LAMA4: variants seen among roughly 807,000 people sequenced by gnomAD.
LAMA4 encodes laminin subunit alpha-4.
A neutral mutation model predicts 207.1 loss-of-function variants in LAMA4; 127 were observed. The observed-to-expected ratio is 0.61, with a 90% CI of 0.53 to 0.71. The LOEUF is 0.71. LAMA4 is among the 30% of genes least tolerant of loss of function. LAMA4 has a pLI of 0.00. For synonymous variants in LAMA4, 761 were observed against 816.0 expected (o/e 0.93, Z 1.15); for missense variants, 2,093 against 2,246.5 (o/e 0.93, Z 1.38).
At chr6:112,151,823 C>A (rs1432670938) in intron 16 of LAMA4, among the ~76,000 whole-genome samples, 1 of 152,018 alleles carries the variant, frequency 6.6e-6, no homozygotes. Flanking sequence ...CTTCTATTCT[C>A]AGTTTGCCGA....
intron 17 of LAMA4, 44 bp from the exon 18 acceptor site, chr6:112,148,380 A>G (rs186777142): frequency 1.2e-6 from 2 of 1,604,468 alleles, no homozygotes; most frequent in East Asian, 2.2e-5. Context: ...GAGAAGCCGG[A>G]TATTTGTTGG....
chr6:112,157,596 T>C (rs1554337302), intron 14 of LAMA4, among the ~76,000 whole-genome samples: 1 of 152,210 alleles, frequency 6.6e-6, no homozygotes, highest in African/African-American at 2.4e-5. Flanking sequence ...ATGTAGTAAC[T>C]GTCTTAGAAT....
At chr6:112,197,048 G>C (rs1783462873) in intron 5 of LAMA4, among the ~76,000 whole-genome samples, 1 of 152,138 alleles carries the variant, frequency 6.6e-6, no homozygotes, top group Admixed American at 6.5e-5. Context: ...GTATTCCATA[G>C]GATTTTTGGG....
At chr6:112,175,894 A>G (rs1781997330) in intron 10 of LAMA4, among the ~76,000 whole-genome samples, 1 of 152,212 alleles carries the variant, frequency 6.6e-6, no homozygotes, top group African/African-American at 2.4e-5. Flanking sequence ...ACTTGGAGAA[A>G]ATGCTCAGAG....
chr6:112,155,284 C>G, intron 15 of LAMA4: 1 of 559,378 alleles, frequency 1.8e-6, no homozygotes, highest in Non-Finnish European at 3.2e-6. Context: ...TCTCTATCAG[C>G]AAGAACTAAT....
intron 29 of LAMA4, among the ~76,000 whole-genome samples, chr6:112,130,723 T>C (rs1778988265): frequency 6.6e-6 from 1 of 152,092 alleles, no homozygotes; most frequent in African/African-American, 2.4e-5. Flanking sequence ...TCAAGGAGAT[T>C]ATAACCTATT....
chr6:112,186,055 C>T (rs1782665079), intron 8 of LAMA4, among the ~76,000 whole-genome samples: 1 of 152,170 alleles, frequency 6.6e-6, no homozygotes, highest in Non-Finnish European at 1.5e-5. Context: ...AAATTCACAC[C>T]AAGATTCTAT....
Position 112,119,514 on chromosome 6 carries a change from G to C in LAMA4, c.4666-203C>G, listed in dbSNP as rs34349433. 4.8e-3 allele frequency among the ~76,000 whole-genome samples: 734 copies of C among 152,264 alleles called. 4 individuals carry two copies. Among genetic ancestry groups the C allele is most frequent in the Non-Finnish European group, 7.5e-3 (510 of 68,014 alleles). On this transcript the variant is annotated intron_variant, in intron 33 of 38. Transcript: ENST00000230538. ...TTCTGGCAATGCAGTTTTTGGAATG[G>C]CAGAAACTTTATCCCTCATTTGATT...
In LAMA4 at chr6:112,250,780, A is replaced by G. The variant is rs1442650416; in HGVS notation, c.195+3176T>C. On this transcript the variant is annotated intron_variant, in intron 2 of 38. Coordinates refer to ENST00000230538, the MANE Select transcript of LAMA4 (RefSeq NM_001105206.3). Reference sequence around the variant, plus strand: ...CTTGTTTAGTTCCTACTTCTTTTTGATGGACAAGAATCTCATTCTTCCTAA... The same window carrying G: ...CTTGTTTAGTTCCTACTTCTTTTTGGTGGACAAGAATCTCATTCTTCCTAA... Among the ~76,000 whole-genome samples the G allele has an allele frequency of 2.6e-5, 4 of 152,008 alleles. 1 individual carries two copies. Among genetic ancestry groups the G allele is most frequent in the South Asian group, 2.1e-4 (1 of 4,824 alleles).
At chr6:112,186,832 GC>G (rs1250264729) in intron 8 of LAMA4, 2 of 454,544 alleles carry the variant, frequency 4.4e-6, no homozygotes, top group African/African-American at 4.0e-5. Context: ...GATATGGAGG[GC>G]CAACTGTATT....
chr6:112,121,077 C>CAA (rs371868100), intron 32 of LAMA4, among the ~76,000 whole-genome samples: 3 of 134,402 alleles, frequency 2.2e-5, no homozygotes, highest in African/African-American at 8.3e-5. Flanking sequence ...GACCTTGTCT[C>CAA]AAAAAAAAAA....
intron 28 of LAMA4, 26 bp from the exon 29 acceptor site, chr6:112,131,127 G>A (rs782168172): frequency 6.2e-7 from 1 of 1,611,278 alleles, no homozygotes; most frequent in Non-Finnish European, 8.5e-7. Flanking sequence ...AGGCATGTAA[G>A]TAGGGAGTCT....
chr6:112,237,588 C>T (rs199632331), intron 2 of LAMA4, among the ~76,000 whole-genome samples: 2 of 152,334 alleles, frequency 1.3e-5, no homozygotes, highest in East Asian at 3.9e-4. Flanking sequence ...TCAGGCATTT[C>T]CATGGAGCCT....
At chr6:112,157,753 T>A (rs1181909283) in intron 14 of LAMA4, among the ~76,000 whole-genome samples, 2 of 152,198 alleles carry the variant, frequency 1.3e-5, no homozygotes, top group Non-Finnish European at 2.9e-5. Flanking sequence ...TCTGCTAATA[T>A]AGTATATTAT....
chr6:112,153,788 A>G (rs1434473586), intron 16 of LAMA4, among the ~76,000 whole-genome samples: 6 of 152,172 alleles, frequency 3.9e-5, no homozygotes, highest in Non-Finnish European at 7.4e-5. Context: ...GACTTACATA[A>G]TAAATTAATT....
At chr6:112,167,322 A>T (rs1554340313) in intron 12 of LAMA4, among the ~76,000 whole-genome samples, 1 of 152,138 alleles carries the variant, frequency 6.6e-6, no homozygotes, top group East Asian at 1.9e-4. Flanking sequence ...GAATTGCTTG[A>T]ACCCAGGAGG....
chr6:112,109,102 G>C lies in LAMA4; in HGVS notation c.*335C>G. 3.3e-6 allele frequency: 1 copy of C among 301,302 alleles called. No individual in the cohort carries two copies. Among genetic ancestry groups the C allele is most frequent in the Non-Finnish European group, 6.4e-6 (1 of 157,024 alleles). 18.7% of individuals were successfully genotyped at this position (301,302 alleles called of 1,614,324 possible). ...GAAGAAAGGTGAATCTGAGAATCTA[G>C]CCGCACTTCAAAAATGTGTGCAAGT... On this transcript the variant is annotated 3_prime_UTR_variant, in exon 39 of 39. Coordinates refer to ENST00000230538, the MANE Select transcript of LAMA4 (RefSeq NM_001105206.3).
rs782206284 is a variant in LAMA4, at chr6:112,119,308, T to C, written c.4669A>G (p.Ile1557Val). ...CCACTGCTCCTTTCTCGAATAAATA[T>C]CACCTGGATGAAGAGAAGGACAATA... Reference protein sequence around the residue: ...KYNDGLWHDVIFIRERSSGRL... With the variant: ...KYNDGLWHDVVFIRERSSGRL... Residue 1557 changes from isoleucine to valine, a missense_variant, in exon 34 of 39, where the codon ATA (isoleucine) becomes GTA (valine). By Grantham distance (29) the Ile-to-Val change is conservative. This residue lies in a region of LAMA4 where 383 missense variants were observed against 437.8 expected (regional missense o/e 0.87). Coordinates refer to ENST00000230538, the MANE Select transcript of LAMA4 (RefSeq NM_001105206.3). 1.1e-5 allele frequency: 17 copies of C among 1,613,746 alleles called. No homozygotes were observed. Among genetic ancestry groups the C allele is most frequent in the Non-Finnish European group, 1.4e-5 (17 of 1,179,848 alleles).
At chr6:112,181,954 G>T (rs567678153) in intron 9 of LAMA4, among the ~76,000 whole-genome samples, 5 of 152,042 alleles carry the variant, frequency 3.3e-5, no homozygotes, top group African/African-American at 1.2e-4. Flanking sequence ...AAAAGTAGCC[G>T]GACGTGGTGG....
Sources: allele counts gnomAD v4.1 joint callset (sites outside exome capture counted in the v4.1 genomes callset), GRCh38; gene constraint gnomAD v4.1.1; regional missense constraint gnomAD v4.1.1; transcripts MANE v1.5; gene names NCBI Gene and HGNC (gene_info 2026-07-23, HGNC 2026-07-21).